BLVRA: variants seen among roughly 807,000 people sequenced by gnomAD.
The protein encoded by BLVRA is biliverdin reductase A.
Under a neutral mutation model 32.8 loss-of-function variants are expected in BLVRA, and 22 were observed. That is an observed-to-expected ratio of 0.67 (90% CI 0.48 to 0.96). The LOEUF (loss-of-function observed/expected upper bound fraction) is 0.96. Ranked by LOEUF, BLVRA falls within the 40% of genes least tolerant of loss-of-function variation. BLVRA has a pLI of 0.00. For missense variants in BLVRA, 323 were observed against 358.1 expected (o/e 0.90, Z 0.79); for synonymous variants, 119 against 141.3 (o/e 0.84, Z 1.12).
chr7:43,776,969 A>G (rs1228318695), intron 2 of BLVRA, among the ~76,000 whole-genome samples: 4 of 151,966 alleles, frequency 2.6e-5, no homozygotes, highest in African/African-American at 9.7e-5. Context: ...TGCAACCCCT[A>G]CCATTTTTTG....
At chr7:43,778,486 C>T (rs1409936669) in intron 2 of BLVRA, among the ~76,000 whole-genome samples, 2 of 152,106 alleles carry the variant, frequency 1.3e-5, no homozygotes, top group Non-Finnish European at 2.9e-5. Flanking sequence ...TTTCGTGAAC[C>T]GCAAATGCTG....
intron 6 of BLVRA, among the ~76,000 whole-genome samples, chr7:43,802,108 C>T (rs2095799320): frequency 6.6e-6 from 1 of 152,124 alleles, no homozygotes. Flanking sequence ...CACCACTGCA[C>T]AGCCTAGGTG....
At chr7:43,770,505 G>A (rs928515561) in intron 1 of BLVRA, among the ~76,000 whole-genome samples, 1 of 152,096 alleles carries the variant, frequency 6.6e-6, no homozygotes, top group Non-Finnish European at 1.5e-5. Context: ...TTTTCAACAA[G>A]AATCCTAGGG....
chr7:43,785,638 A>G (rs111819275), intron 2 of BLVRA, among the ~76,000 whole-genome samples: 4 of 152,314 alleles, frequency 2.6e-5, no homozygotes, highest in African/African-American at 9.6e-5. Context: ...GGCTCTGTGA[A>G]TCACTCTTCC....
chr7:43,770,948 A>G (rs1401402033), intron 1 of BLVRA, among the ~76,000 whole-genome samples, 190 bp from the exon 2 acceptor site: 1 of 152,148 alleles, frequency 6.6e-6, no homozygotes, highest in Non-Finnish European at 1.5e-5. Flanking sequence ...GAAGTCAGCT[A>G]CCACCAGCCC....
chr7:43,759,058 G>A (rs974248765), intron 1 of BLVRA, among the ~76,000 whole-genome samples: 2 of 152,252 alleles, frequency 1.3e-5, no homozygotes, highest in African/African-American at 4.8e-5. Flanking sequence ...CAAGAGGGCA[G>A]GCTCGGCGTC....
At chr7:43,783,277 A>C (rs1362108233) in intron 2 of BLVRA, among the ~76,000 whole-genome samples, 1 of 152,182 alleles carries the variant, frequency 6.6e-6, no homozygotes, top group African/African-American at 2.4e-5. Context: ...CAGCAAGAGC[A>C]TGTCGCCAGT....
intron 5 of BLVRA, 191 bp from the exon 6 acceptor site, chr7:43,800,274 G>A: frequency 1.7e-6 from 1 of 599,026 alleles, no homozygotes; most frequent in Non-Finnish European, 3.1e-6. Context: ...ATTCATTTCT[G>A]TTGTAAGCTT....
intron 7 of BLVRA, among the ~76,000 whole-genome samples, chr7:43,804,990 A>G (rs1343785023): frequency 3.9e-5 from 6 of 152,226 alleles, no homozygotes; most frequent in East Asian, 1.9e-4. Context: ...AGCAAAGCAC[A>G]TGGAACTTGG....
rs1412529639 is a variant in BLVRA at position 43,787,967 on chromosome 7, G to C, written c.76G>C (p.Asp26His). The change falls in exon 3 of 8, where the codon GAC (aspartate) becomes CAC (histidine). Residue 26 changes from aspartate (D) to histidine (H), a missense_variant. Physicochemically the swap from Asp to His is moderately conservative, Grantham distance 81. Transcript: ENST00000265523. The surrounding 1 kb of genome is among the most constrained non-coding windows in gnomAD (Gnocchi z 4.5). ...CCGAGCCGGCTCCGTGCGGATGAGG[G>C]ACTTGCGGAATCCACACCCTTCCTC... is the stretch of plus-strand genomic sequence containing the variant. ...VGRAGSVRMRDLRNPHPSSAF... is the reference protein window; with the variant it reads ...VGRAGSVRMRHLRNPHPSSAF... 3.1e-6 allele frequency: 5 copies of C among 1,614,210 alleles called. No homozygotes were observed. The highest frequency in any genetic ancestry group is 4.2e-6 in the Non-Finnish European group (5 of 1,180,046).
chr7:43,766,290 GAAAAA>G (rs56186712), intron 1 of BLVRA, among the ~76,000 whole-genome samples: 1 of 93,900 alleles, frequency 1.1e-5, no homozygotes, highest in Non-Finnish European at 2.1e-5. Flanking sequence ...CTGTCTCAGG[GAAAAA>G]AAAAAAAAAA....
chr7:43,760,833 A>G (rs1248934087), intron 1 of BLVRA, among the ~76,000 whole-genome samples: 1 of 144,872 alleles, frequency 6.9e-6, no homozygotes, highest in Non-Finnish European at 1.5e-5. Flanking sequence ...CAGTGGCGCC[A>G]TCTTGGCTCA....
chr7:43,799,153 C>T (rs2095796031), intron 5 of BLVRA, among the ~76,000 whole-genome samples: 1 of 152,200 alleles, frequency 6.6e-6, no homozygotes, highest in Non-Finnish European at 1.5e-5. Context: ...GGAAGGACCC[C>T]ATCCTCCCAC....
intron 3 of BLVRA, among the ~76,000 whole-genome samples, chr7:43,790,817 C>T (rs906860135): frequency 1.3e-5 from 2 of 152,264 alleles, no homozygotes; most frequent in Middle Eastern, 3.4e-3. Context: ...GGATTACAGG[C>T]GCCCACCACC....
At chr7:43,798,671 A>G (rs371294529) in intron 5 of BLVRA, among the ~76,000 whole-genome samples, 18 of 152,148 alleles carry the variant, frequency 1.2e-4, no homozygotes, top group East Asian at 7.7e-4. Flanking sequence ...TCAGCCTTGG[A>G]ATTAGTCAGT....
At chr7:43,779,923 G>T (rs1275234153) in intron 2 of BLVRA, among the ~76,000 whole-genome samples, 1 of 151,586 alleles carries the variant, frequency 6.6e-6, no homozygotes, top group Non-Finnish European at 1.5e-5. Context: ...CACCCAGCTG[G>T]AGTACAGTGG....
At chr7:43,801,584 T>C (rs950621655) in intron 6 of BLVRA, among the ~76,000 whole-genome samples, 1 of 151,870 alleles carries the variant, frequency 6.6e-6, no homozygotes, top group African/African-American at 2.4e-5. Context: ...AATGGTAATA[T>C]AATGAGAGTA....
At chr7:43,781,095 A>G (rs965051049) in intron 2 of BLVRA, among the ~76,000 whole-genome samples, 3 of 151,688 alleles carry the variant, frequency 2.0e-5, no homozygotes, top group Non-Finnish European at 2.9e-5. Context: ...GTGAGCCAAG[A>G]TTGTGCCATT....
intron 5 of BLVRA, 159 bp from the exon 6 acceptor site, chr7:43,800,306 T>C: frequency 1.5e-6 from 1 of 686,084 alleles, no homozygotes; most frequent in South Asian, 1.6e-5. Flanking sequence ...CCTCTTCAGC[T>C]GGGGTGGGTG....
Sources: gnomAD v4.1 joint callset for allele counts (sites outside exome capture counted in the v4.1 genomes callset) on GRCh38, gnomAD v4.1.1 for gene constraint, Gnocchi (gnomAD v3.1) non-coding constraint, MANE v1.5 for transcripts, NCBI Gene and HGNC (gene_info 2026-07-23, HGNC 2026-07-21) for gene names.